The following MID1 variants were observed in gnomAD, a reference collection of about 807,000 sequenced individuals.
The protein encoded by MID1 is E3 ubiquitin-protein ligase Midline-1.
Under a neutral mutation model 40.4 loss-of-function variants are expected in MID1, and 7 were observed. The ratio of observed to expected loss-of-function variants is 0.17; its 90% CI spans 0.10 to 0.33. MID1 has a LOEUF of 0.33. MID1 is among the 10% of genes least tolerant of loss of function. The pLI is 1.00. For synonymous variants in MID1, 229 were observed against 221.2 expected, an observed-to-expected ratio of 1.04 and a Z score of -0.31; for missense variants, 367 against 558.5, an observed-to-expected ratio of 0.66 and a Z score of 3.46.
chrX:10,461,798 A>G (rs897451618), intron 7 of MID1, among the ~76,000 whole-genome samples: 18 of 112,537 alleles, frequency 1.6e-4, no homozygotes, highest in Non-Finnish European at 2.8e-4. Context: ...TGAGAATCGT[A>G]TCAATTTCAC....
chrX:10,538,478 C>T (rs1053895134), intron 2 of MID1, among the ~76,000 whole-genome samples: 5 of 111,023 alleles, frequency 4.5e-5, no homozygotes, highest in African/African-American at 1.3e-4. Flanking sequence ...TGGCCGTCAA[C>T]GTAATCTTTC....
intron 1 of MID1, among the ~76,000 whole-genome samples, chrX:10,782,359 G>C (rs1271241095): frequency 1.8e-5 from 2 of 111,757 alleles, no homozygotes; most frequent in Admixed American, 1.9e-4. Flanking sequence ...GGTCTCCCTG[G>C]CTTGGGCAGC....
intron 1 of MID1, among the ~76,000 whole-genome samples, chrX:10,729,880 C>A (rs1361934294): frequency 9.1e-6 from 1 of 110,245 alleles, no homozygotes; most frequent in Non-Finnish European, 1.9e-5. Flanking sequence ...GTCAGGAGAT[C>A]GAAACCATCC....
Position 10,449,435 on chromosome X carries a change from T to C in MID1, c.1937A>G (p.Lys646Arg), listed in dbSNP as rs757315836. ...GAGCCCAGTGATAATCGTCAGACACTTGTTCCACACGGTGAAGGTGGGGCA... is the reference window on the plus strand; with the variant it reads ...GAGCCCAGTGATAATCGTCAGACACCTGTTCCACACGGTGAAGGTGGGGCA... ...PVCPTFTVWN[K>R]CLTIITGLPI... is the part of the protein sequence containing the mutation. Residue 646 changes from lysine to arginine, a missense_variant, in exon 10 of 10, where the codon AAG becomes AGG. Transcript: ENST00000317552. 13 of 1,211,843 alleles carry C rather than the reference T, an allele frequency of 1.1e-5. No homozygotes were observed. Among genetic ancestry groups the C allele is most frequent in the Non-Finnish European group, 1.5e-5 (13 of 895,553 alleles).
intron 1 of MID1, among the ~76,000 whole-genome samples, chrX:10,789,574 T>C (rs2043914557): frequency 8.9e-6 from 1 of 112,438 alleles, no homozygotes; most frequent in Admixed American, 9.4e-5. Context: ...CTAGGAGCAA[T>C]AGGCTCTACC....
intron 1 of MID1, among the ~76,000 whole-genome samples, chrX:10,784,801 A>AC (rs1304864441): frequency 1.8e-5 from 2 of 111,067 alleles, no homozygotes; most frequent in East Asian, 5.6e-4. Flanking sequence ...TGTGAAAAAC[A>AC]CAAGTGTATT....
intron 3 of MID1, among the ~76,000 whole-genome samples, chrX:10,511,070 C>T (rs1932125613): frequency 9.3e-6 from 1 of 107,863 alleles, no homozygotes; most frequent in South Asian, 4.1e-4. Context: ...CATGGTGAAA[C>T]CCCATCTCTA....
intron 1 of MID1, among the ~76,000 whole-genome samples, chrX:10,764,017 G>GT (rs1191431953): frequency 3.6e-5 from 4 of 111,736 alleles, no homozygotes; most frequent in Non-Finnish European, 7.5e-5. Flanking sequence ...GGGGTTGTTT[G>GT]TTTTTTTCTT....
At chrX:10,717,907 C>T (rs2043318167) in intron 1 of MID1, among the ~76,000 whole-genome samples, 1 of 111,629 alleles carries the variant, frequency 9.0e-6, no homozygotes, top group African/African-American at 3.3e-5. Flanking sequence ...CAAAACCGCT[C>T]AACTAAATGG....
intron 1 of MID1, among the ~76,000 whole-genome samples, chrX:10,692,827 T>C (rs775214416): frequency 5.4e-5 from 6 of 111,785 alleles, no homozygotes; most frequent in Non-Finnish European, 1.1e-4. Flanking sequence ...AGGCATCTTA[T>C]GGTGGTTTTT....
chrX:10,776,799 T>C (rs1203637519), intron 1 of MID1, among the ~76,000 whole-genome samples: 1 of 111,699 alleles, frequency 9.0e-6, no homozygotes, highest in Non-Finnish European at 1.9e-5. Context: ...GTTTTAAAAA[T>C]AAAAAAAAGA....
chrX:10,727,450 G>C (rs1010589789), intron 1 of MID1, among the ~76,000 whole-genome samples: 2 of 112,359 alleles, frequency 1.8e-5, no homozygotes, highest in Non-Finnish European at 3.8e-5. Flanking sequence ...TCTTCCCTTT[G>C]AATTATAAAG....
At chrX:10,638,788 G>A (rs917392089) in intron 1 of MID1, among the ~76,000 whole-genome samples, 18 of 111,741 alleles carry the variant, frequency 1.6e-4, no homozygotes, top group Non-Finnish European at 3.0e-4. Context: ...ATACAGCTGG[G>A]TGCCCCTCTG....
intron 2 of MID1, among the ~76,000 whole-genome samples, chrX:10,536,524 T>C (rs1397245700): frequency 8.9e-6 from 1 of 112,730 alleles, no homozygotes; most frequent in African/African-American, 3.2e-5. Context: ...AATGTTACTT[T>C]CAAAAACTTT....
intron 1 of MID1, among the ~76,000 whole-genome samples, chrX:10,725,214 A>C (rs750546392): frequency 8.9e-6 from 1 of 111,835 alleles, no homozygotes; most frequent in African/African-American, 3.3e-5. Flanking sequence ...ACTTCAGAGC[A>C]CTAAAGAAGC....
chrX:10,624,110 T>C (rs1050884277), upstream of MID1, among the ~76,000 whole-genome samples: 2 of 112,504 alleles, frequency 1.8e-5, no homozygotes, highest in Non-Finnish European at 3.7e-5. Context: ...AGGGAAACAA[T>C]GTGGCATACC....
intron 3 of MID1, among the ~76,000 whole-genome samples, chrX:10,512,478 A>G (rs775640835): frequency 1.8e-5 from 2 of 113,037 alleles, no homozygotes; most frequent in South Asian, 7.3e-4. Flanking sequence ...TGTTTATGTC[A>G]AAAGACTGTT....
At chrX:10,612,571 A>T (rs763726085) in intron 1 of MID1, among the ~76,000 whole-genome samples, 8 of 112,340 alleles carry the variant, frequency 7.1e-5, no homozygotes, top group Non-Finnish European at 1.3e-4. Context: ...TACTTAACTA[A>T]AATCAGAGCA....
chrX:10,505,542 G>A, intron 3 of MID1: 1 of 753,037 alleles, frequency 1.3e-6, no homozygotes, highest in Non-Finnish European at 1.6e-6. Flanking sequence ...ACCTGCCATG[G>A]GTGTTTGTCT....
Sources: gnomAD v4.1 joint callset for allele counts (sites outside exome capture counted in the v4.1 genomes callset) on GRCh38, gnomAD v4.1.1 for gene constraint, MANE v1.5 for transcripts, NCBI Gene and HGNC (gene_info 2026-07-23, HGNC 2026-07-21) for gene names.